GTF2B: variants seen among roughly 807,000 people sequenced by gnomAD.
The protein encoded by GTF2B is transcription initiation factor IIB.
In GTF2B, 20 loss-of-function variants were observed where a neutral mutation model predicts 34.6. That is an observed-to-expected ratio of 0.58 (90% confidence interval 0.41 to 0.84). The LOEUF is 0.84. GTF2B is among the 40% of genes least tolerant of loss of function. GTF2B has a pLI of 0.00. For synonymous variants in GTF2B, 142 were observed against 132.4 expected (o/e 1.07, Z -0.50); for missense variants, 237 against 393.3 (o/e 0.60, Z 3.36).
intron 3 of GTF2B, among the ~76,000 whole-genome samples, chr1:88,862,396 G>GC (rs527857049): frequency 1.3e-5 from 2 of 152,116 alleles, no homozygotes; most frequent in Non-Finnish European, 2.9e-5. Flanking sequence ...ACAAAAATTA[G>GC]CCATGTGTCG....
chr1:88,889,472 A>G (rs1318489206), intron 1 of GTF2B, among the ~76,000 whole-genome samples: 2 of 152,220 alleles, frequency 1.3e-5, no homozygotes, highest in Non-Finnish European at 2.9e-5. Context: ...GCTATCATTT[A>G]TTGGGCATGG....
At chr1:88,863,327 G>A (rs895168215) in intron 3 of GTF2B, among the ~76,000 whole-genome samples, 1 of 151,714 alleles carries the variant, frequency 6.6e-6, no homozygotes, top group African/African-American at 2.4e-5. Context: ...AAGTGGTATA[G>A]AGAGAAAAGA....
intron 2 of GTF2B, among the ~76,000 whole-genome samples, chr1:88,879,583 TAA>T (rs11437047): frequency 3.7e-5 from 5 of 136,454 alleles, no homozygotes; most frequent in Admixed American, 7.4e-5. Context: ...GATTCCATCT[TAA>T]AAAAAAAAAA....
Position 88,876,943 on chromosome 1 carries a change from T to C in GTF2B, c.124+10318A>G, listed in dbSNP as rs138784612. Among the ~76,000 whole-genome samples the C allele has an allele frequency of 3.7e-3, 567 of 152,254 alleles. 6 individuals carry two copies. The highest frequency in any genetic ancestry group is 0.013 in the African/African-American group (542 of 41,540). ...TACTAGGAGCAATGGAGACACACAA[T>C]TATAAAATATATGCCCCAAAGGAGT... On this transcript the variant is annotated intron_variant, in intron 2 of 6. Transcript: ENST00000370500.
intron 2 of GTF2B, among the ~76,000 whole-genome samples, chr1:88,886,589 A>C (rs1276733092): frequency 6.6e-6 from 1 of 152,190 alleles, no homozygotes; most frequent in South Asian, 2.1e-4. Flanking sequence ...CCCAATGTAT[A>C]AAAAAGCCAC....
intron 2 of GTF2B, among the ~76,000 whole-genome samples, chr1:88,885,968 C>A (rs970901551): frequency 6.6e-6 from 1 of 151,996 alleles, no homozygotes; most frequent in Non-Finnish European, 1.5e-5. Context: ...GACAATGGAG[C>A]CAGTCTTCTA....
intron 1 of GTF2B, among the ~76,000 whole-genome samples, chr1:88,891,261 A>G (rs938899496): frequency 6.6e-6 from 1 of 152,148 alleles, no homozygotes; most frequent in Non-Finnish European, 1.5e-5. Context: ...TGATATCTAC[A>G]TAAGACTCCA....
intron 2 of GTF2B, among the ~76,000 whole-genome samples, chr1:88,871,877 A>G (rs996328027): frequency 2.0e-5 from 3 of 152,000 alleles, no homozygotes; most frequent in Admixed American, 6.6e-5. Flanking sequence ...GATTACAGGC[A>G]TCCACCACCA....
intron 2 of GTF2B, among the ~76,000 whole-genome samples, chr1:88,865,670 T>C (rs1490078980): frequency 6.6e-6 from 1 of 151,966 alleles, no homozygotes; most frequent in African/African-American, 2.4e-5. Context: ...CTGACCAACA[T>C]GGAGAAACCC....
intron 6 of GTF2B, 81 bp downstream of exon 6, chr1:88,857,125 C>T (rs1673331059): frequency 3.8e-6 from 5 of 1,303,790 alleles, no homozygotes; most frequent in Non-Finnish European, 5.4e-6. Context: ...TGCTATTTAC[C>T]CGGTTCAGAC....
In GTF2B at chr1:88,856,272, C is replaced by CAAAAAAAAA. The variant is rs377030804; in HGVS notation, c.817+925_817+933dup. ...CAACAGAGGGAGACTGTTTCAAAAA[C>CAAAAAAAAA]AAAAAAAAAAAAAAAAAACAAAAAA... On this transcript the variant is annotated intron_variant, in intron 6 of 6. Transcript: ENST00000370500. Among the ~76,000 whole-genome samples the CAAAAAAAAA allele has an allele frequency of 5.4e-4, 27 of 50,000 alleles. 1 individual carries two copies. Among genetic ancestry groups the CAAAAAAAAA allele is most frequent in the East Asian group, 2.0e-3 (3 of 1,472 alleles). The allele number at this position is 50,000 out of a possible 152,430, so 32.8% of individuals were successfully genotyped here.
At chr1:88,887,171 G>T in intron 2 of GTF2B, 90 bp downstream of exon 2, 1 of 749,338 alleles carries the variant, frequency 1.3e-6, no homozygotes. Flanking sequence ...CTCCCACCTT[G>T]GCCTCCCGAA....
chr1:88,865,235 C>T (rs998596964), intron 2 of GTF2B, among the ~76,000 whole-genome samples: 12 of 152,150 alleles, frequency 7.9e-5, no homozygotes, highest in Non-Finnish European at 1.5e-4. Flanking sequence ...CTAAAATTCT[C>T]TTTAACCTCA....
chr1:88,856,283 A>AC (rs1673307579), intron 6 of GTF2B, among the ~76,000 whole-genome samples: 8 of 120,510 alleles, frequency 6.6e-5, no homozygotes, highest in Non-Finnish European at 1.1e-4. Context: ...AAAAAAAAAA[A>AC]AAAAAAACAA....
intron 3 of GTF2B, among the ~76,000 whole-genome samples, chr1:88,863,431 C>A (rs1330683412): frequency 2.0e-5 from 3 of 152,102 alleles, no homozygotes; most frequent in African/African-American, 7.2e-5. Flanking sequence ...GCAACCTCCG[C>A]CTCCTGGGTT....
At chr1:88,890,084 G>A (rs1443082440) in intron 1 of GTF2B, among the ~76,000 whole-genome samples, 1 of 150,626 alleles carries the variant, frequency 6.6e-6, no homozygotes, top group African/African-American at 2.5e-5. Flanking sequence ...AAAAACTTGA[G>A]CAATAACTGC....
intron 3 of GTF2B, among the ~76,000 whole-genome samples, chr1:88,863,459 T>G (rs983649879): frequency 2.6e-5 from 4 of 152,134 alleles, no homozygotes; most frequent in African/African-American, 9.7e-5. Flanking sequence ...TTCTTCTGCC[T>G]CAGCCTCGCG....
At chr1:88,861,190 G>C (rs554064053) in intron 3 of GTF2B, among the ~76,000 whole-genome samples, 2 of 152,300 alleles carry the variant, frequency 1.3e-5, no homozygotes, top group South Asian at 4.1e-4. Context: ...AAATAAACTT[G>C]AGAAACATGT....
chr1:88,878,153 CCAG>C (rs1349254543), intron 2 of GTF2B, among the ~76,000 whole-genome samples: 3 of 152,010 alleles, frequency 2.0e-5, no homozygotes, highest in Non-Finnish European at 4.4e-5. Flanking sequence ...GCCTGTAGTC[CCAG>C]CTACTCAGGA....
Sources: allele counts gnomAD v4.1 joint callset (sites outside exome capture counted in the v4.1 genomes callset), GRCh38; gene constraint gnomAD v4.1.1; transcripts MANE v1.5; gene names NCBI Gene and HGNC (gene_info 2026-07-23, HGNC 2026-07-21).